Variants in AQP5 observed in about 807,000 individuals in gnomAD.
AQP5 encodes the protein aquaporin-5.
AQP5 carries 15 observed loss-of-function variants against 19.1 expected under a neutral mutation model. That is an observed-to-expected ratio of 0.79 (90% CI 0.53 to 1.21). The LOEUF is 1.21. AQP5 is among the 50% of genes most tolerant of loss of function. The pLI is 0.00. For synonymous variants in AQP5, 182 were observed against 160.3 expected, an observed-to-expected ratio of 1.14 and a Z score of -1.02; for missense variants, 355 against 357.1, an observed-to-expected ratio of 0.99 and a Z score of 0.05.
chr12:49,962,221 C>T lies in AQP5; in HGVS notation c.204C>T (p.Ile68=). 1 of 1,606,576 alleles carries T rather than the reference C, an allele frequency of 6.2e-7. No homozygotes were observed. The highest frequency in any genetic ancestry group is 8.5e-7 in the Non-Finnish European group (1 of 1,179,830). Residue 68 remains isoleucine (I), a synonymous_variant, in exon 1 of 4, where the codon ATC becomes ATT. Coordinates refer to ENST00000293599, the MANE Select transcript of AQP5 (RefSeq NM_001651.4). ...QALGPVSGGH[I]NPAITLALLV... ...TGGGACCCGTGAGCGGCGGCCACAT[C>T]AACCCCGCCATCACCCTGGCCCTCT...
At position 49,965,083 on chromosome 12, in the gene AQP5, G is replaced by T. The variant is rs148637740; in HGVS notation, c.704G>T (p.Arg235Leu). Reference sequence around the variant, plus strand: ...CCCAACTCCCTGAGCCTGAGTGAGCGTGTGGCCATCATCAAAGGCACGTAT... The same window carrying T: ...CCCAACTCCCTGAGCCTGAGTGAGCTTGTGGCCATCATCAAAGGCACGTAT... Reference protein sequence around the residue: ...LFPNSLSLSERVAIIKGTYEP... With the variant: ...LFPNSLSLSELVAIIKGTYEP... The change falls in exon 4 of 4, where the codon CGT becomes CTT. Residue 235 changes from arginine (R) to leucine (L), a missense_variant. Transcript: ENST00000293599. 6 of 1,614,080 alleles carry T rather than the reference G, an allele frequency of 3.7e-6. No individual in the cohort carries two copies. The highest frequency in any genetic ancestry group is 5.1e-6 in the Non-Finnish European group (6 of 1,180,004).
At chr12:49,962,780 G>A in intron 1 of AQP5, 1 of 191,388 alleles carries the variant, frequency 5.2e-6, no homozygotes, top group Non-Finnish European at 1.1e-5. Context: ...GGTGACCCTG[G>A]CCTGTCTGTG....
At chr12:49,964,495 T>A in intron 3 of AQP5, 2 of 338,498 alleles carry the variant, frequency 5.9e-6, no homozygotes, top group Non-Finnish European at 8.4e-6. Flanking sequence ...CCTCGGTGTC[T>A]GCGTGCTGGT....
At chr12:49,963,149 G>A (rs945674710) in intron 1 of AQP5, among the ~76,000 whole-genome samples, 1 of 152,256 alleles carries the variant, frequency 6.6e-6, no homozygotes, top group Non-Finnish European at 1.5e-5. Context: ...AGGAGGCCGG[G>A]ATGGGGTGTG....
At chr12:49,962,505 C>G in intron 1 of AQP5, 125 bp downstream of exon 1, 2 of 1,423,360 alleles carry the variant, frequency 1.4e-6, no homozygotes, top group Middle Eastern at 2.6e-4. Context: ...ACCAGGAAGG[C>G]AAGAGCCTCC....
chr12:49,964,269 C>G, intron 3 of AQP5, 94 bp downstream of exon 3: 2 of 1,382,324 alleles, frequency 1.4e-6, no homozygotes, highest in Non-Finnish European at 1.0e-6. Context: ...TTCTGTGGGT[C>G]TAGAGCTTGG....
chr12:49,963,354 T>G, intron 1 of AQP5, 138 bp from the exon 2 acceptor site: 2 of 1,173,198 alleles, frequency 1.7e-6, no homozygotes, highest in Middle Eastern at 2.3e-4. Flanking sequence ...ATGGCTTCGC[T>G]GGGGCGATGT....
At position 49,964,178 on chromosome 12, in the gene AQP5, G is replaced by A. The variant is rs191664431; in HGVS notation, c.612+3G>A. The A allele has an allele frequency of 3.7e-6, 6 of 1,613,860 alleles. No homozygotes were observed. The South Asian group carries it at 5.5e-5, about 15-fold the overall frequency. On this transcript the variant is annotated splice_donor_region_variant and intron_variant, in intron 3 of 3. Coordinates refer to ENST00000293599, the MANE Select transcript of AQP5 (RefSeq NM_001651.4). ...ATCGGTTCAGCCCCGCTCACTGGGT[G>A]AGTCTGTCCCTTCCCCTGGCTCCCT...
Position 49,962,199 on chromosome 12 carries a change from G to T in AQP5, c.182G>T (p.Gly61Val). The change falls in exon 1 of 4, where the codon GGA becomes GTA. Residue 61 changes from glycine (G) to valine (V), a missense_variant. Coordinates refer to ENST00000293599, the MANE Select transcript of AQP5 (RefSeq NM_001651.4). The stretch of plus-strand genomic sequence containing the variant: ...ATAGGCACGCTGGCCCAGGCCCTGG[G>T]ACCCGTGAGCGGCGGCCACATCAAC... ...LAIGTLAQALGPVSGGHINPA... is the reference protein window; with the variant it reads ...LAIGTLAQALVPVSGGHINPA... 6.2e-7 allele frequency: 1 copy of T among 1,608,422 alleles called. No homozygotes were observed.
rs1446033559 is a variant in AQP5, at chr12:49,962,172, C to A, written c.155C>A (p.Ala52Asp). Residue 52 changes from alanine (A) to aspartate (D), a missense_variant, in exon 1 of 4, where the codon GCC becomes GAC. Physicochemically the swap from Ala to Asp is moderately radical, Grantham distance 126 (BLOSUM62 -2). Coordinates refer to ENST00000293599, the MANE Select transcript of AQP5 (RefSeq NM_001651.4). Reference protein sequence around the residue: ...ILQIALAFGLAIGTLAQALGP... With the variant: ...ILQIALAFGLDIGTLAQALGP... ...CAGATCGCGCTGGCGTTTGGCCTGG[C>A]CATAGGCACGCTGGCCCAGGCCCTG... is the stretch of plus-strand genomic sequence containing the variant. 1 of 1,611,416 alleles carries A rather than the reference C, an allele frequency of 6.2e-7. No homozygotes were observed. Among genetic ancestry groups the A allele is most frequent in the Non-Finnish European group, 8.5e-7 (1 of 1,179,806 alleles).
intron 1 of AQP5, 57 bp downstream of exon 1, chr12:49,962,437 G>A: frequency 5.9e-6 from 8 of 1,351,478 alleles, no homozygotes; most frequent in Non-Finnish European, 6.8e-6. Flanking sequence ...TCAGGACCAG[G>A]CCTCTTACCC....
rs572762958 is a variant in AQP5, at chr12:49,964,929, G to C, written c.613-63G>C. 117 of 1,555,464 alleles carry C rather than the reference G, an allele frequency of 7.5e-5. 2 individuals are homozygous for C. In the South Asian group the frequency reaches 1.3e-3, roughly 18 times the overall value. ...TCCGTGGGTCTGTCCTCTGTGGGGT[G>C]GGGGGCATGTGGTCTTCAAGGTCTG... On this transcript the variant is annotated intron_variant, in intron 3 of 3. Transcript: ENST00000293599.
chr12:49,961,974 G>C lies in AQP5; in HGVS notation c.-44G>C, dbSNP rs1259597591. The C allele has an allele frequency of 7.7e-7, 1 of 1,294,432 alleles. No individual in the cohort carries two copies. The highest frequency in any genetic ancestry group is 1.5e-5 in the African/African-American group (1 of 65,112). 80.2% of individuals were successfully genotyped at this position (1,294,432 alleles called of 1,614,324 possible). ...TCCTCCGCCGCCTGCGACCCAACGG[G>C]CGCCCCCCGCCGCGGCAGCTGCCGC... On this transcript the variant is annotated 5_prime_UTR_variant, in exon 1 of 4. Transcript: ENST00000293599.
chr12:49,963,480 A>G lies in AQP5; in HGVS notation c.364-12A>G. On this transcript the variant is annotated splice_polypyrimidine_tract_variant and intron_variant, in intron 1 of 3. Coordinates refer to ENST00000293599, the MANE Select transcript of AQP5 (RefSeq NM_001651.4). ...AAGGTGGCCGGGGTCCTAACCCGCT[A>G]TCCCCTTGCAGCTCAACAACAACAC... 6.2e-7 allele frequency: 1 copy of G among 1,613,270 alleles called. No homozygotes were observed. The highest frequency in any genetic ancestry group is 8.5e-7 in the Non-Finnish European group (1 of 1,179,724).
rs1273362400 is a variant in AQP5, at chr12:49,962,299, G to A, written c.282G>A (p.Gln94=). 40 of 1,607,458 alleles carry A rather than the reference G, an allele frequency of 2.5e-5. No homozygotes were observed. The highest frequency in any genetic ancestry group is 3.4e-5 in the Non-Finnish European group (40 of 1,179,882). The change falls in exon 1 of 4, where the codon CAG becomes CAA. Residue 94 remains glutamine, a synonymous_variant. Coordinates refer to ENST00000293599, the MANE Select transcript of AQP5 (RefSeq NM_001651.4). The part of the protein sequence containing the change: ...LLRAFFYVAA[Q]LVGAIAGAGI... Reference sequence around the variant, plus strand: ...GGGCTTTCTTCTACGTGGCGGCCCAGCTGGTGGGCGCCATTGCCGGGGCTG... The same window carrying A: ...GGGCTTTCTTCTACGTGGCGGCCCAACTGGTGGGCGCCATTGCCGGGGCTG...
chr12:49,962,119 G>A lies in AQP5; in HGVS notation c.102G>A (p.Lys34=), dbSNP rs764870560. Residue 34 remains lysine, a synonymous_variant, in exon 1 of 4, where the codon AAG becomes AAA. Coordinates refer to ENST00000293599, the MANE Select transcript of AQP5 (RefSeq NM_001651.4). ...FVFFGLGSAL[K]WPSALPTILQ... ...TCTTTGGCCTGGGCTCGGCCCTCAAGTGGCCGTCGGCGCTGCCTACCATCC... is the reference window on the plus strand; with the variant it reads ...TCTTTGGCCTGGGCTCGGCCCTCAAATGGCCGTCGGCGCTGCCTACCATCC... The A allele has an allele frequency of 3.7e-6, 6 of 1,613,368 alleles. No homozygotes were observed. Among genetic ancestry groups the A allele is most frequent in the Non-Finnish European group, 4.2e-6 (5 of 1,179,826 alleles).
rs530655066 is a variant in AQP5, at chr12:49,965,208, C to T, written c.*31C>T. On this transcript the variant is annotated 3_prime_UTR_variant, in exon 4 of 4. Coordinates refer to ENST00000293599, the MANE Select transcript of AQP5 (RefSeq NM_001651.4). ...GTCAGGCAGGGGCCAGCCCCTCAGC[C>T]CCTGAGCCAAGGGGGAAAAGAAGAA... 12 of 1,558,834 alleles carry T rather than the reference C, an allele frequency of 7.7e-6. No homozygotes were observed. In the South Asian group the frequency reaches 1.4e-4, roughly 18 times the overall value.
chr12:49,962,681 T>G, intron 1 of AQP5: 2 of 327,224 alleles, frequency 6.1e-6, no homozygotes, highest in Non-Finnish European at 1.1e-5. Flanking sequence ...GAGCTCCACC[T>G]TCCTCCTGGG....
intron 2 of AQP5, 94 bp from the exon 3 acceptor site, chr12:49,963,998 G>GC: frequency 7.8e-7 from 1 of 1,285,084 alleles, no homozygotes; most frequent in Non-Finnish European, 1.1e-6. Context: ...ACCTGGCTGA[G>GC]CCCCTGGACT....
Sources: gnomAD v4.1 joint callset for allele counts (sites outside exome capture counted in the v4.1 genomes callset) on GRCh38, gnomAD v4.1.1 for gene constraint, MANE v1.5 for transcripts, NCBI Gene and HGNC (gene_info 2026-07-23, HGNC 2026-07-21) for gene names.